DLL4: variants seen among roughly 807,000 people sequenced by gnomAD.
The protein encoded by DLL4 is delta-like protein 4.
Under a neutral mutation model 73.6 loss-of-function variants are expected in DLL4, and 7 were observed. The observed-to-expected ratio is 0.10, with a 90% CI of 0.05 to 0.18. The LOEUF (loss-of-function observed/expected upper bound fraction) is 0.18, where lower values mean the gene tolerates loss of function less well. Among genes scored for constraint, DLL4 ranks in the 10% least tolerant of loss-of-function variants. The pLI, the probability that DLL4 is intolerant of heterozygous loss-of-function variation, is 1.00. For synonymous variants in DLL4, 345 were observed against 374.3 expected, an observed-to-expected ratio of 0.92 and a Z score of 0.90; for missense variants, 614 against 929.9, an observed-to-expected ratio of 0.66 and a Z score of 4.42.
intron 9 of DLL4, among the ~76,000 whole-genome samples, chr15:40,937,138 T>C (rs557600870): frequency 2.0e-5 from 3 of 152,296 alleles, no homozygotes; most frequent in African/African-American, 7.2e-5. Context: ...GTCCCTAGGG[T>C]GTCTCTTGTG....
At position 40,929,499 on chromosome 15, in the gene DLL4, AC is replaced by A; in HGVS notation, c.-168del. The A allele has an allele frequency of 3.2e-6, 2 of 631,976 alleles. No homozygotes were observed. Among genetic ancestry groups the A allele is most frequent in the South Asian group, 2.2e-5 (1 of 46,222 alleles). The allele number at this position is 631,976 out of a possible 1,614,324, so 39.1% of individuals were successfully genotyped here. ...CCGCCCAGCCGTAGTCACCTGGATT[AC>A]CTACAGCGGCAGCTGCAGCGGAGCC... On this transcript the variant is annotated 5_prime_UTR_variant, in exon 1 of 11. Coordinates refer to ENST00000249749, the MANE Select transcript of DLL4 (RefSeq NM_019074.4). The surrounding 1 kb of genome is among the most constrained non-coding windows in gnomAD (Gnocchi z 7.1).
chr15:40,930,982 G>A lies in DLL4; in HGVS notation c.394+300G>A. On this transcript the variant is annotated intron_variant, in intron 3 of 10. Coordinates refer to ENST00000249749, the MANE Select transcript of DLL4 (RefSeq NM_019074.4). The surrounding 1 kb of genome is among the most constrained non-coding windows in gnomAD (Gnocchi z 5.7). ...GTATTTTACACCTTTCGCGAATTCC[G>A]CTCCTTTGGAAAGGGAATAATGGCT... 3 of 515,518 alleles carry A rather than the reference G, an allele frequency of 5.8e-6. No individual in the cohort carries two copies. The highest frequency in any genetic ancestry group is 3.3e-5 in the East Asian group (1 of 30,066). 31.9% of individuals were successfully genotyped at this position (515,518 alleles called of 1,614,324 possible).
chr15:40,937,572 A>C, intron 10 of DLL4, 46 bp downstream of exon 10: 1 of 1,395,508 alleles, frequency 7.2e-7, no homozygotes, highest in Non-Finnish European at 1.0e-6. Flanking sequence ...TGGGAGGGAA[A>C]GTGGCCTGGT....
intron 6 of DLL4, among the ~76,000 whole-genome samples, chr15:40,933,010 T>C (rs1448225256): frequency 2.0e-5 from 3 of 152,150 alleles, no homozygotes; most frequent in Non-Finnish European, 4.4e-5. Flanking sequence ...CTACCTGGTG[T>C]TTAGGGGTAG....
In DLL4 at chr15:40,930,030, T is replaced by C. The variant is rs757981768; in HGVS notation, c.250T>C (p.Leu84=). The C allele has an allele frequency of 3.7e-6, 6 of 1,612,892 alleles. No homozygotes were observed. Among genetic ancestry groups the C allele is most frequent in the East Asian group, 2.2e-5 (1 of 44,854 alleles). ...CTTCGGGACCGTCTCCACGCCGGTA[T>C]TGGGCACCAACTCCTTCGCTGTCCG... The part of the protein sequence containing the change: ...CTFGTVSTPV[L]GTNSFAVRDD... Residue 84 remains leucine (L), a synonymous_variant, in exon 2 of 11, where the codon TTG becomes CTG. Coordinates refer to ENST00000249749, the MANE Select transcript of DLL4 (RefSeq NM_019074.4). This position sits in a 1 kb window ranked among gnomAD's most constrained non-coding sequence, Gnocchi z 5.7.
Position 40,934,595 on chromosome 15 carries a change from T to C in DLL4, c.898T>C (p.Cys300Arg). ...CTCCCCATGCAAGAATGGGGCAACG[T>C]GCTCCAACAGTGGGCAGCGAAGCTA... ...HHSPCKNGAT[C>R]SNSGQRSYTC... is the part of the protein sequence containing the mutation. The change falls in exon 7 of 11, where the codon TGC becomes CGC. Residue 300 changes from cysteine to arginine, a missense_variant. This residue lies in a region of DLL4 where 386 missense variants were observed against 541.3 expected (regional missense o/e 0.71). Transcript: ENST00000249749. The C allele has an allele frequency of 6.2e-7, 1 of 1,613,912 alleles. No homozygotes were observed. The highest frequency in any genetic ancestry group is 1.3e-5 in the African/African-American group (1 of 75,048).
At position 40,929,398 on chromosome 15, in the gene DLL4, C is replaced by T. The variant is rs1014363321; in HGVS notation, c.-271C>T. Reference sequence around the variant, plus strand: ...GGCCAAGAGCCGCAGCCCCAGCCGCCTTGGTGCAGCGTACACCGGCACTAG... The same window carrying T: ...GGCCAAGAGCCGCAGCCCCAGCCGCTTTGGTGCAGCGTACACCGGCACTAG... On this transcript the variant is annotated 5_prime_UTR_variant, in exon 1 of 11. Coordinates refer to ENST00000249749, the MANE Select transcript of DLL4 (RefSeq NM_019074.4). The surrounding 1 kb of genome is among the most constrained non-coding windows in gnomAD (Gnocchi z 7.1). 8 of 439,652 alleles carry T rather than the reference C, an allele frequency of 1.8e-5. No individual in the cohort carries two copies. In the East Asian group the frequency reaches 2.5e-4, roughly 14 times the overall value. 27.2% of individuals were successfully genotyped at this position (439,652 alleles called of 1,614,324 possible). A position where few individuals can be genotyped will look rare whatever the true frequency, so the allele number is the denominator to read the frequency against.
At chr15:40,933,123 A>AT (rs1011266251) in intron 6 of DLL4, among the ~76,000 whole-genome samples, 9 of 152,086 alleles carry the variant, frequency 5.9e-5, no homozygotes, top group African/African-American at 1.9e-4. Context: ...TGCAGCTCCC[A>AT]TTTTCAGGAT....
chr15:40,937,616 G>A, intron 10 of DLL4, 90 bp downstream of exon 10: 1 of 977,084 alleles, frequency 1.0e-6, no homozygotes, highest in Non-Finnish European at 1.7e-6. Flanking sequence ...CTGAAGGGTA[G>A]GTCAGAACCC....
At position 40,936,231 on chromosome 15, in the gene DLL4, G is replaced by C. The variant is rs750653634; in HGVS notation, c.1244G>C (p.Gly415Ala). The change falls in exon 9 of 11, where the codon GGA becomes GCA. Residue 415 changes from glycine to alanine, a missense_variant. Around this residue, in one of 3 missense-constraint regions of DLL4, gnomAD observed 386 missense variants for 541.3 expected, o/e 0.71. Coordinates refer to ENST00000249749, the MANE Select transcript of DLL4 (RefSeq NM_019074.4). ...RCTSNPCANG[G>A]QCLNRGPSRM... is the part of the protein sequence containing the mutation. Reference sequence around the variant, plus strand: ...TGTGTCTCATGCGTCCTCACAGGGGGACAGTGCCTGAACCGAGGTCCAAGC... The same window carrying C: ...TGTGTCTCATGCGTCCTCACAGGGGCACAGTGCCTGAACCGAGGTCCAAGC... The C allele has an allele frequency of 1.8e-5, 29 of 1,584,454 alleles. No individual in the cohort carries two copies. Among genetic ancestry groups the C allele is most frequent in the Non-Finnish European group, 2.5e-5 (29 of 1,167,446 alleles).
rs368710132 is a variant in DLL4 at position 40,938,899 on chromosome 15, G to T, written c.*865G>T. The T allele has an allele frequency of 6.6e-6, 1 of 151,142 alleles. No individual in the cohort carries two copies. The allele number at this position is 151,142 out of a possible 1,614,324, so 9.4% of individuals were successfully genotyped here. On this transcript the variant is annotated 3_prime_UTR_variant, in exon 11 of 11. Transcript: ENST00000249749. ...CTGCCCCAGACCACCCTCAAAGCTGGTCTTCAGAAATCAATAATATGAGTT... is the reference window on the plus strand; with the variant it reads ...CTGCCCCAGACCACCCTCAAAGCTGTTCTTCAGAAATCAATAATATGAGTT...
At chr15:40,932,651 G>A (rs1270800634) in intron 6 of DLL4, among the ~76,000 whole-genome samples, 1 of 152,158 alleles carries the variant, frequency 6.6e-6, no homozygotes, top group African/African-American at 2.4e-5. Flanking sequence ...GCGGCGGCAG[G>A]GGGTGGTGGA....
At chr15:40,935,368 C>T (rs985505526) in intron 8 of DLL4, among the ~76,000 whole-genome samples, 2 of 152,314 alleles carry the variant, frequency 1.3e-5, no homozygotes, top group Admixed American at 6.5e-5. Context: ...GTCAGAACCC[C>T]GTCCTGGCTG....
rs565859834 is a variant in DLL4 at position 40,930,596 on chromosome 15, T to A, written c.337-29T>A. The stretch of plus-strand genomic sequence containing the variant: ...CTCTCCCCGCTTGCTCATCTCGCCA[T>A]CTCTCCGTCCCCCCACCCCCTTTCC... On this transcript the variant is annotated intron_variant, in intron 2 of 10. Coordinates refer to ENST00000249749, the MANE Select transcript of DLL4 (RefSeq NM_019074.4). The surrounding 1 kb of genome is among the most constrained non-coding windows in gnomAD (Gnocchi z 5.7). 4 of 1,608,538 alleles carry A rather than the reference T, an allele frequency of 2.5e-6. No individual in the cohort carries two copies. Among genetic ancestry groups the A allele is most frequent in the Non-Finnish European group, 3.4e-6 (4 of 1,175,724 alleles).
Position 40,929,785 on chromosome 15 carries a change from G to A in DLL4, c.66+51G>A, listed in dbSNP as rs1182562103. 1 of 1,606,750 alleles carries A rather than the reference G, an allele frequency of 6.2e-7. No individual in the cohort carries two copies. The highest frequency in any genetic ancestry group is 8.5e-7 in the Non-Finnish European group (1 of 1,179,100). ...CCCCTCTGCCGCGCTCTGGGCCTCA[G>A]CCCCGGGCACCAGCTGAGCTGACCG... On this transcript the variant is annotated intron_variant, in intron 1 of 10. Transcript: ENST00000249749. This position sits in a 1 kb window ranked among gnomAD's most constrained non-coding sequence, Gnocchi z 7.1.
chr15:40,929,609 C>A lies in DLL4; in HGVS notation c.-60C>A. Reference sequence around the variant, plus strand: ...GCCGGCTGGCGGACGCGCGGGAAAGCGGCGTCGCGAACAGAGCCAGATTGA... The same window carrying A: ...GCCGGCTGGCGGACGCGCGGGAAAGAGGCGTCGCGAACAGAGCCAGATTGA... On this transcript the variant is annotated 5_prime_UTR_variant, in exon 1 of 11. Transcript: ENST00000249749. The surrounding 1 kb of genome is among the most constrained non-coding windows in gnomAD (Gnocchi z 7.1). 7.1e-7 allele frequency: 1 copy of A among 1,408,760 alleles called. No individual in the cohort carries two copies. Among genetic ancestry groups the A allele is most frequent in the East Asian group, 2.5e-5 (1 of 39,430 alleles). The allele number at this position is 1,408,760 out of a possible 1,614,324, so 87.3% of individuals were successfully genotyped here. A position where few individuals can be genotyped will look rare whatever the true frequency, so the allele number is the denominator to read the frequency against.
intron 9 of DLL4, 64 bp downstream of exon 9, chr15:40,936,994 T>G: frequency 7.3e-7 from 1 of 1,365,898 alleles, no homozygotes; most frequent in Admixed American, 2.8e-5. Context: ...CCTAGGCTCC[T>G]CTTAGGCCAG....
Position 40,936,373 on chromosome 15 carries a change from C to G in DLL4, c.1386C>G (p.Leu462=). ...GGTCHDLENG[L]MCTCPAGFSG... ...CTTGCCATGACCTGGAGAATGGGCT[C>G]ATGTGCACCTGCCCTGCCGGCTTCT... Residue 462 remains leucine (L), a synonymous_variant, in exon 9 of 11, where the codon CTC becomes CTG. Coordinates refer to ENST00000249749, the MANE Select transcript of DLL4 (RefSeq NM_019074.4). 6.2e-7 allele frequency: 1 copy of G among 1,611,586 alleles called. No individual in the cohort carries two copies. The highest frequency in any genetic ancestry group is 8.5e-7 in the Non-Finnish European group (1 of 1,179,212).
Position 40,930,211 on chromosome 15 carries a change from A to G in DLL4, c.336+95A>G, listed in dbSNP as rs1329910679. On this transcript the variant is annotated intron_variant, in intron 2 of 10. Transcript: ENST00000249749. The surrounding 1 kb of genome is among the most constrained non-coding windows in gnomAD (Gnocchi z 5.7). ...CCTCCCCAGATTTCCTTGTACACAC[A>G]CCCCCACCCCCAAAAAGCCCAGGAT... The G allele has an allele frequency of 2.1e-6, 3 of 1,402,730 alleles. No individual in the cohort carries two copies. Among genetic ancestry groups the G allele is most frequent in the Non-Finnish European group, 2.9e-6 (3 of 1,040,234 alleles). 86.9% of individuals were successfully genotyped at this position (1,402,730 alleles called of 1,614,324 possible).
Sources: gnomAD v4.1 joint callset for allele counts (sites outside exome capture counted in the v4.1 genomes callset) on GRCh38, gnomAD v4.1.1 for gene constraint, gnomAD v4.1.1 regional missense constraint, Gnocchi (gnomAD v3.1) non-coding constraint, MANE v1.5 for transcripts, NCBI Gene and HGNC (gene_info 2026-07-23, HGNC 2026-07-21) for gene names.